Variants in ATP11A observed in about 807,000 individuals in gnomAD.
ATP11A encodes the protein phospholipid-transporting ATPase IH.
In ATP11A, 81 loss-of-function variants were observed where a neutral mutation model predicts 154.4. The ratio of observed to expected loss-of-function variants is 0.52; its 90% CI spans 0.44 to 0.63. ATP11A has a LOEUF of 0.63. Ranked by LOEUF, ATP11A falls within the 30% of genes least tolerant of loss-of-function variation. The probability of loss-of-function intolerance (pLI) is 0.00; values close to 1 mark genes in which losing one functional copy is unlikely to be tolerated. For synonymous variants in ATP11A, 623 were observed against 585.9 expected (o/e 1.06, Z -0.91); for missense variants, 1,316 against 1,474.3 (o/e 0.89, Z 1.76).
intron 1 of ATP11A, among the ~76,000 whole-genome samples, chr13:112,716,614 G>T (rs1267590449): frequency 6.6e-6 from 1 of 152,184 alleles, no homozygotes; most frequent in Non-Finnish European, 1.5e-5. Context: ...GCCTGGCTCG[G>T]GGCTGGGTTT....
chr13:112,861,244 G>A (rs2080095232), intron 24 of ATP11A, among the ~76,000 whole-genome samples: 1 of 152,192 alleles, frequency 6.6e-6, no homozygotes, highest in Non-Finnish European at 1.5e-5. Flanking sequence ...GGGGATCATA[G>A]GTGCTACAAT....
chr13:112,740,231 G>GTGGA (rs1474760150), intron 1 of ATP11A, among the ~76,000 whole-genome samples: 6 of 151,948 alleles, frequency 3.9e-5, no homozygotes, highest in African/African-American at 1.5e-4. Context: ...CCAGGCTGGA[G>GTGGA]TGGAATGGTG....
intron 18 of ATP11A, 82 bp downstream of exon 18, chr13:112,851,300 C>T (rs544495212): frequency 1.4e-5 from 20 of 1,440,158 alleles, no homozygotes; most frequent in Admixed American, 3.7e-5. Flanking sequence ...GGCGAGTGGA[C>T]GGGAGGGAGG....
intron 1 of ATP11A, among the ~76,000 whole-genome samples, chr13:112,771,193 C>T (rs1201409841): frequency 6.6e-6 from 1 of 152,232 alleles, no homozygotes; most frequent in Middle Eastern, 3.2e-3. Flanking sequence ...TAACAGAGTT[C>T]ATGGTAAGGA....
At chr13:112,843,490 A>G (rs1486146356) in intron 17 of ATP11A, among the ~76,000 whole-genome samples, 5 of 152,146 alleles carry the variant, frequency 3.3e-5, no homozygotes, top group Non-Finnish European at 7.3e-5. Flanking sequence ...TGAAAAAGAA[A>G]CAGTAACTGA....
At chr13:112,735,293 A>C (rs1012997110) in intron 1 of ATP11A, among the ~76,000 whole-genome samples, 4 of 152,158 alleles carry the variant, frequency 2.6e-5, no homozygotes, top group African/African-American at 9.7e-5. Context: ...CCGTTAAATA[A>C]AAAGTTGATT....
At chr13:112,748,029 G>A (rs1269262649) in intron 1 of ATP11A, among the ~76,000 whole-genome samples, 1 of 152,178 alleles carries the variant, frequency 6.6e-6, no homozygotes, top group Non-Finnish European at 1.5e-5. Context: ...ATAAGCTGTT[G>A]ACACAAACTT....
chr13:112,809,875 C>T (rs1030862357), intron 4 of ATP11A, among the ~76,000 whole-genome samples: 2 of 152,190 alleles, frequency 1.3e-5, no homozygotes, highest in African/African-American at 4.8e-5. Flanking sequence ...GAGGGTGTGC[C>T]TTCGTAGTTG....
intron 1 of ATP11A, among the ~76,000 whole-genome samples, chr13:112,783,890 G>A (rs2077559217): frequency 1.3e-5 from 2 of 152,162 alleles, no homozygotes; most frequent in South Asian, 2.1e-4. Flanking sequence ...ACAGTGTTCC[G>A]AGTAATACAG....
chr13:112,780,211 G>T (rs991791999), intron 1 of ATP11A, among the ~76,000 whole-genome samples: 1 of 152,038 alleles, frequency 6.6e-6, no homozygotes, highest in Admixed American at 6.6e-5. Flanking sequence ...CATGCAATCC[G>T]TTGGTTCCAA....
chr13:112,705,222 C>T (rs1260775546), intron 1 of ATP11A, among the ~76,000 whole-genome samples: 1 of 146,296 alleles, frequency 6.8e-6, no homozygotes, highest in Non-Finnish European at 1.5e-5. Context: ...CTGGAGTTTC[C>T]TTTTGTCCTC....
At chr13:112,821,644 A>G (rs2078800338) in intron 8 of ATP11A, among the ~76,000 whole-genome samples, 3 of 152,234 alleles carry the variant, frequency 2.0e-5, no homozygotes, top group Admixed American at 1.3e-4. Flanking sequence ...GGTATTCCAT[A>G]GACTTTTAAT....
chr13:112,707,415 C>CAA (rs35020608), intron 1 of ATP11A, among the ~76,000 whole-genome samples: 20 of 80,668 alleles, frequency 2.5e-4, no homozygotes, highest in Non-Finnish European at 3.4e-4. Context: ...AATTCTGTCT[C>CAA]AAAAAAAAAA....
At chr13:112,834,307 A>G (rs1272077577) in intron 14 of ATP11A, among the ~76,000 whole-genome samples, 2 of 152,240 alleles carry the variant, frequency 1.3e-5, no homozygotes, top group Non-Finnish European at 2.9e-5. Flanking sequence ...TGTGCCTGCC[A>G]TGCTCTTCTG....
rs1408594644 is a variant in ATP11A, at chr13:112,875,255, G to A, written c.3162-521G>A. ...TGAAAGGCGATCAGGAAACGTTACC[G>A]GAAGGCACGTATAGACGTGGACCTG... is the stretch of plus-strand genomic sequence containing the variant. On this transcript the variant is annotated intron_variant, in intron 27 of 29. Transcript: ENST00000375645. The surrounding 1 kb of genome is among the most constrained non-coding windows in gnomAD (Gnocchi z 4.1). Among the ~76,000 whole-genome samples the A allele has an allele frequency of 5.3e-5, 8 of 152,284 alleles. No homozygotes were observed. The highest frequency in any genetic ancestry group is 3.9e-4 in the East Asian group (2 of 5,180).
chr13:112,826,577 G>A (rs2078939832), intron 11 of ATP11A, 117 bp from the exon 12 acceptor site: 6 of 827,264 alleles, frequency 7.3e-6, no homozygotes, highest in Non-Finnish European at 1.2e-5. Context: ...CTGAAATCTT[G>A]TATTTAGTAG....
intron 1 of ATP11A, among the ~76,000 whole-genome samples, chr13:112,738,724 C>T (rs1185769890): frequency 6.6e-6 from 1 of 151,748 alleles, no homozygotes; most frequent in Non-Finnish European, 1.5e-5. Context: ...CCCCGTCCCC[C>T]TCCTCCTCCC....
At chr13:112,755,887 C>G (rs1449591794) in intron 1 of ATP11A, among the ~76,000 whole-genome samples, 1 of 87,280 alleles carries the variant, frequency 1.1e-5, no homozygotes, top group Non-Finnish European at 2.1e-5. Flanking sequence ...GCACTCAGAG[C>G]GGCTCCCAGA....
At chr13:112,725,842 G>A (rs903429888) in intron 1 of ATP11A, among the ~76,000 whole-genome samples, 7 of 152,216 alleles carry the variant, frequency 4.6e-5, no homozygotes, top group Non-Finnish European at 8.8e-5. Context: ...AGGTGAGAAC[G>A]ATAGAAATGG....
Sources: allele counts gnomAD v4.1 joint callset (sites outside exome capture counted in the v4.1 genomes callset), GRCh38; gene constraint gnomAD v4.1.1; non-coding constraint Gnocchi (gnomAD v3.1); transcripts MANE v1.5; gene names NCBI Gene and HGNC (gene_info 2026-07-23, HGNC 2026-07-21).